The following TRAPPC9 variants were observed in gnomAD, a reference collection of about 807,000 sequenced individuals.
The protein encoded by TRAPPC9 is IKK2 binding protein.
A neutral mutation model predicts 124.0 loss-of-function variants in TRAPPC9; 83 were observed. The observed-to-expected ratio is 0.67, with a 90% CI of 0.56 to 0.80. The LOEUF (loss-of-function observed/expected upper bound fraction) is 0.80. Ranked by LOEUF, TRAPPC9 falls within the 30% of genes least tolerant of loss-of-function variation. TRAPPC9 has a pLI of 0.00. For missense variants in TRAPPC9, 1,302 were observed against 1,508.3 expected (o/e 0.86, Z 2.27); for synonymous variants, 638 against 617.5 (o/e 1.03, Z -0.49).
chr8:139,890,210 G>A (rs1458170579), intron 20 of TRAPPC9, among the ~76,000 whole-genome samples: 1 of 152,256 alleles, frequency 6.6e-6, no homozygotes, highest in Non-Finnish European at 1.5e-5. Flanking sequence ...TGGGACCTCA[G>A]GCATGACCTG....
rs553994488 is a variant in TRAPPC9 at position 139,741,451 on chromosome 8, AT to A, written c.3056-9250del. ...GCAGTAGGTGCTGAGCCCCCACTGGATTCCTGGGCTCTGGACTTGGTCTGGT... is the reference window on the plus strand; with the variant it reads ...GCAGTAGGTGCTGAGCCCCCACTGGATCCTGGGCTCTGGACTTGGTCTGGT... On this transcript the variant is annotated intron_variant, in intron 21 of 22. Transcript: ENST00000438773. Among the ~76,000 whole-genome samples the A allele has an allele frequency of 2.8e-3, 420 of 152,184 alleles. 1 individual carries two copies. Among genetic ancestry groups the A allele is most frequent in the African/African-American group, 9.2e-3 (382 of 41,504 alleles).
intron 21 of TRAPPC9, among the ~76,000 whole-genome samples, chr8:139,847,270 AAACAC>A (rs902379828): frequency 4.6e-5 from 7 of 152,194 alleles, no homozygotes; most frequent in African/African-American, 1.4e-4. Flanking sequence ...TGAGCGGGGG[AAACAC>A]TCTTCCATCC....
At chr8:139,874,296 C>T (rs1015037733) in intron 21 of TRAPPC9, among the ~76,000 whole-genome samples, 3 of 152,192 alleles carry the variant, frequency 2.0e-5, no homozygotes, top group Admixed American at 1.3e-4. Context: ...GGCCTTGGAC[C>T]GATAGGAGGA....
chr8:140,201,606 T>A (rs1188170107), intron 17 of TRAPPC9, among the ~76,000 whole-genome samples: 1 of 152,260 alleles, frequency 6.6e-6, no homozygotes, highest in East Asian at 1.9e-4. Context: ...TAATTTCAAA[T>A]ATTATATCTC....
rs554054415 is a variant in TRAPPC9 at position 140,134,735 on chromosome 8, A to G, written c.2556+86724T>C. 2.6e-5 allele frequency among the ~76,000 whole-genome samples: 4 copies of G among 152,370 alleles called. No individual in the cohort carries two copies. In the South Asian group the frequency reaches 8.3e-4, roughly 32 times the overall value. ...CCTAAATGTAAGGGGTAAAACCATA[A>G]AACTTTCAGAAGAAAAACAAATAAA... On this transcript the variant is annotated intron_variant, in intron 17 of 22. Transcript: ENST00000438773.
At chr8:139,768,444 G>A (rs191624920) in intron 21 of TRAPPC9, among the ~76,000 whole-genome samples, 5 of 152,322 alleles carry the variant, frequency 3.3e-5, no homozygotes, top group Admixed American at 6.5e-5. Context: ...GGGCCACACC[G>A]ACTGCGCTGG....
chr8:139,759,591 G>A (rs987975433), intron 21 of TRAPPC9, among the ~76,000 whole-genome samples: 3 of 152,178 alleles, frequency 2.0e-5, no homozygotes, highest in African/African-American at 7.2e-5. Context: ...AGAGGAACGA[G>A]CCTGGCGATT....
intron 21 of TRAPPC9, among the ~76,000 whole-genome samples, chr8:139,753,631 C>T (rs188100230): frequency 6.6e-6 from 1 of 152,310 alleles, no homozygotes; most frequent in East Asian, 1.9e-4. Flanking sequence ...TCTCTATGCT[C>T]CCCTGAGGCC....
chr8:140,081,068 T>C lies in TRAPPC9; in HGVS notation c.2557-56989A>G, dbSNP rs968903654. Among the ~76,000 whole-genome samples the C allele has an allele frequency of 2.5e-4, 38 of 152,110 alleles. 1 individual carries two copies. The highest frequency in any genetic ancestry group is 1.8e-3 in the Admixed American group (27 of 15,282). On this transcript the variant is annotated intron_variant, in intron 17 of 22. Transcript: ENST00000438773. ...GAGGCACCCACCCTGGCTCTGGAGG[T>C]GTGACCAAAGTTTTCTCAGAGAAGC...
rs745337325 is a variant in TRAPPC9 at position 139,910,308 on chromosome 8, A to G, written c.2811-8T>C. 1.3e-5 allele frequency: 21 copies of G among 1,614,186 alleles called. No individual in the cohort carries two copies. The highest frequency in any genetic ancestry group is 1.7e-5 in the Non-Finnish European group (20 of 1,180,024). On this transcript the variant is annotated splice_polypyrimidine_tract_variant and splice_region_variant and intron_variant, in intron 19 of 22. Transcript: ENST00000438773. ...TCCACTTGAATAGCCATTCTACGAG[A>G]AAGGGGAAAACACAGCAGAGAATTC...
intron 18 of TRAPPC9, among the ~76,000 whole-genome samples, chr8:140,007,368 C>A (rs1838827916): frequency 1.3e-5 from 2 of 152,150 alleles, no homozygotes; most frequent in African/African-American, 2.4e-5. Context: ...CAAAATACAA[C>A]GTTTAAAATA....
At chr8:140,325,430 C>T (rs754103130) in intron 9 of TRAPPC9, among the ~76,000 whole-genome samples, 1 of 152,142 alleles carries the variant, frequency 6.6e-6, no homozygotes, top group Non-Finnish European at 1.5e-5. Flanking sequence ...CACAGATCAT[C>T]TATATCAGGA....
intron 19 of TRAPPC9, among the ~76,000 whole-genome samples, chr8:139,911,061 C>T (rs1332901608): frequency 2.0e-5 from 3 of 152,016 alleles, no homozygotes; most frequent in African/African-American, 7.3e-5. Context: ...GGCTCTATCC[C>T]CACCCAAATC....
In TRAPPC9 at chr8:140,216,363, T is replaced by C. The variant is rs1008395680; in HGVS notation, c.2556+5096A>G. Among the ~76,000 whole-genome samples, 2 of 152,124 alleles carry C rather than the reference T, an allele frequency of 1.3e-5. No individual in the cohort carries two copies. Among genetic ancestry groups the C allele is most frequent in the African/African-American group, 4.8e-5 (2 of 41,406 alleles). ...GCACATTCACCCTTGCAACACTCAA[T>C]TGAAGAAAACAAAATCCATGCCACA... On this transcript the variant is annotated intron_variant, in intron 17 of 22. Coordinates refer to ENST00000438773, the MANE Select transcript of TRAPPC9 (RefSeq NM_001160372.4). The surrounding 1 kb of genome is among the most constrained non-coding windows in gnomAD (Gnocchi z 4.1).
chr8:140,451,377 G>C lies in TRAPPC9; in HGVS notation c.-4C>G, dbSNP rs1284713164. ...GCATGTAGTCAGGGACGCTCATTTT[G>C]AAGTCCCTGTTCAGAGAGAAGAAAT... On this transcript the variant is annotated 5_prime_UTR_variant, in exon 2 of 23. Coordinates refer to ENST00000438773, the MANE Select transcript of TRAPPC9 (RefSeq NM_001160372.4). 2 of 1,601,040 alleles carry C rather than the reference G, an allele frequency of 1.2e-6. No homozygotes were observed. Among genetic ancestry groups the C allele is most frequent in the Non-Finnish European group, 1.7e-6 (2 of 1,179,598 alleles).
chr8:139,846,184 T>C (rs1586974105), intron 21 of TRAPPC9, among the ~76,000 whole-genome samples: 3 of 152,296 alleles, frequency 2.0e-5, no homozygotes, highest in South Asian at 2.1e-4. Context: ...CCGGAAGCGG[T>C]AGAGGCTGTG....
chr8:139,750,917 G>A (rs915114836), intron 21 of TRAPPC9, among the ~76,000 whole-genome samples: 1 of 152,212 alleles, frequency 6.6e-6, no homozygotes, highest in Non-Finnish European at 1.5e-5. Context: ...GAAACCAAGT[G>A]TGACTCCAGC....
At chr8:139,981,622 C>T (rs189924302) in intron 19 of TRAPPC9, among the ~76,000 whole-genome samples, 4 of 152,318 alleles carry the variant, frequency 2.6e-5, no homozygotes, top group African/African-American at 9.6e-5. Flanking sequence ...AAGAGACAGG[C>T]GAGAGGAGTA....
intron 15 of TRAPPC9, among the ~76,000 whole-genome samples, chr8:140,253,564 G>A (rs957827807): frequency 3.3e-5 from 5 of 152,040 alleles, no homozygotes; most frequent in African/African-American, 1.2e-4. Context: ...TGTAATCCCA[G>A]CTACTCGGGA....
Sources: gnomAD v4.1 joint callset for allele counts (sites outside exome capture counted in the v4.1 genomes callset) on GRCh38, gnomAD v4.1.1 for gene constraint, Gnocchi (gnomAD v3.1) non-coding constraint, MANE v1.5 for transcripts, NCBI Gene and HGNC (gene_info 2026-07-23, HGNC 2026-07-21) for gene names.